The following IL1RAPL1 variants were observed in gnomAD, a reference collection of about 807,000 sequenced individuals.
IL1RAPL1 encodes the protein interleukin-1 receptor accessory protein-like 1.
In IL1RAPL1, 3 loss-of-function variants were observed where a neutral mutation model predicts 48.4. The observed-to-expected ratio is 0.06, with a 90% CI of 0.03 to 0.16. IL1RAPL1 has a LOEUF of 0.16. Ranked by LOEUF, IL1RAPL1 falls within the 10% of genes least tolerant of loss-of-function variation. IL1RAPL1 has a pLI of 1.00. For synonymous variants in IL1RAPL1, 185 were observed against 187.7 expected (o/e 0.99, Z 0.12); for missense variants, 349 against 530.6 (o/e 0.66, Z 3.36).
At chrX:28,812,675 A>G (rs1390076284) in intron 2 of IL1RAPL1, among the ~76,000 whole-genome samples, 1 of 111,621 alleles carries the variant, frequency 9.0e-6, no homozygotes, top group Non-Finnish European at 1.9e-5. Flanking sequence ...ATGAATGTGT[A>G]TAATAGAAGT....
chrX:28,655,883 A>T (rs1361841772), intron 1 of IL1RAPL1, among the ~76,000 whole-genome samples: 1 of 112,092 alleles, frequency 8.9e-6, no homozygotes, highest in Non-Finnish European at 1.9e-5. Flanking sequence ...AGGCCTAGTG[A>T]CTGCTGAACA....
At chrX:29,053,001 T>A (rs1927131493) in intron 2 of IL1RAPL1, among the ~76,000 whole-genome samples, 1 of 111,696 alleles carries the variant, frequency 9.0e-6, no homozygotes, top group South Asian at 3.8e-4. Context: ...ACCCATTAGT[T>A]ATTTTTTCTG....
intron 1 of IL1RAPL1, among the ~76,000 whole-genome samples, chrX:28,605,739 C>T (rs1351680818): frequency 9.0e-6 from 1 of 111,600 alleles, no homozygotes; most frequent in South Asian, 3.7e-4. Flanking sequence ...TAAGGAAATT[C>T]GCCTACATTA....
chrX:28,737,491 C>A (rs1042881340), intron 1 of IL1RAPL1, among the ~76,000 whole-genome samples: 1 of 109,438 alleles, frequency 9.1e-6, no homozygotes, highest in Non-Finnish European at 1.9e-5. Context: ...CTCCTAAGTT[C>A]AAGTGATCCA....
chrX:29,905,677 TAAG>T (rs1377671001), intron 6 of IL1RAPL1, among the ~76,000 whole-genome samples: 1 of 111,016 alleles, frequency 9.0e-6, no homozygotes, highest in African/African-American at 3.3e-5. Context: ...AAAAGGGGGA[TAAG>T]GAGAGTGTTC....
At chrX:29,096,215 G>C (rs1928210870) in intron 2 of IL1RAPL1, among the ~76,000 whole-genome samples, 1 of 111,273 alleles carries the variant, frequency 9.0e-6, no homozygotes, top group African/African-American at 3.3e-5. Flanking sequence ...GCCTTGGTAA[G>C]GGATTTGTTA....
intron 2 of IL1RAPL1, among the ~76,000 whole-genome samples, chrX:29,226,725 G>A (rs1266455781): frequency 9.5e-6 from 1 of 105,514 alleles, no homozygotes; most frequent in East Asian, 2.9e-4. Flanking sequence ...GTGAGCCACT[G>A]TACTGGCTGA....
At chrX:29,322,752 C>G (rs756192826) in intron 3 of IL1RAPL1, among the ~76,000 whole-genome samples, 5 of 111,260 alleles carry the variant, frequency 4.5e-5, no homozygotes, top group Non-Finnish European at 9.4e-5. Context: ...CTTAACCCTT[C>G]AAAGACTCAG....
chrX:28,840,136 A>T (rs904468133), intron 2 of IL1RAPL1, among the ~76,000 whole-genome samples: 2 of 110,577 alleles, frequency 1.8e-5, no homozygotes, highest in Non-Finnish European at 3.8e-5. Context: ...GGCACTTTAT[A>T]TAGGAGTAAA....
intron 5 of IL1RAPL1, among the ~76,000 whole-genome samples, chrX:29,418,568 C>T (rs952511977): frequency 9.0e-6 from 1 of 111,373 alleles, no homozygotes; most frequent in Non-Finnish European, 1.9e-5. Flanking sequence ...GTTGCTATGG[C>T]GTAATTGAGC....
chrX:29,076,527 A>C (rs1180523255), intron 2 of IL1RAPL1, among the ~76,000 whole-genome samples: 14 of 111,847 alleles, frequency 1.3e-4, no homozygotes, highest in Non-Finnish European at 9.4e-5. Context: ...CAAGACAAGG[A>C]AACTTTCTCC....
At chrX:28,630,036 A>G (rs1934382080) in intron 1 of IL1RAPL1, among the ~76,000 whole-genome samples, 2 of 111,662 alleles carry the variant, frequency 1.8e-5, no homozygotes, top group Admixed American at 1.9e-4. Context: ...AATTATTGTC[A>G]TAGCGGGGAG....
rs751673207 is a variant in IL1RAPL1, at chrX:28,832,456, A to G, written c.82+43031A>G. 6.3e-5 allele frequency among the ~76,000 whole-genome samples: 7 copies of G among 111,673 alleles called. No individual in the cohort carries two copies. The East Asian group carries it at 1.7e-3, about 27-fold the overall frequency. On this transcript the variant is annotated intron_variant, in intron 2 of 10. Transcript: ENST00000378993. The stretch of plus-strand genomic sequence containing the variant: ...CAAATTCTCTTTTCAGAATCTTAAT[A>G]TAATTATTCATTTCGTCCTGAAAAC...
intron 2 of IL1RAPL1, among the ~76,000 whole-genome samples, chrX:28,855,570 G>T: frequency 9.0e-6 from 1 of 110,970 alleles, no homozygotes. Context: ...ATGAGATGTT[G>T]AAATAATACC....
chrX:29,351,681 G>A (rs759547529), intron 3 of IL1RAPL1, among the ~76,000 whole-genome samples: 5 of 111,971 alleles, frequency 4.5e-5, no homozygotes, highest in East Asian at 2.8e-4. Flanking sequence ...TTGATTTGCC[G>A]TACATTCTTT....
At chrX:29,628,650 C>T (rs1389176366) in intron 5 of IL1RAPL1, among the ~76,000 whole-genome samples, 3 of 111,924 alleles carry the variant, frequency 2.7e-5, no homozygotes, top group African/African-American at 9.7e-5. Context: ...GCTCCCATAG[C>T]ACTGTGTCCA....
chrX:29,081,035 T>TCTC (rs1242801637), intron 2 of IL1RAPL1, among the ~76,000 whole-genome samples: 6 of 85,273 alleles, frequency 7.0e-5, no homozygotes, highest in African/African-American at 2.2e-4. Context: ...TTTTCTTTTC[T>TCTC]TTTCTTTTCT....
At chrX:28,879,250 A>C (rs940830529) in intron 2 of IL1RAPL1, among the ~76,000 whole-genome samples, 3 of 111,460 alleles carry the variant, frequency 2.7e-5, no homozygotes, top group Non-Finnish European at 5.7e-5. Flanking sequence ...CATATTGCTT[A>C]ACAGTTAGAA....
chrX:28,648,745 T>C (rs984493115), intron 1 of IL1RAPL1, among the ~76,000 whole-genome samples: 1 of 112,143 alleles, frequency 8.9e-6, no homozygotes, highest in African/African-American at 3.2e-5. Flanking sequence ...AATTGTACTT[T>C]GTAAGTTCTC....
Sources: allele counts gnomAD v4.1 joint callset (sites outside exome capture counted in the v4.1 genomes callset), GRCh38; gene constraint gnomAD v4.1.1; transcripts MANE v1.5; gene names NCBI Gene and HGNC (gene_info 2026-07-23, HGNC 2026-07-21).